PTPRD: variants seen among roughly 807,000 people sequenced by gnomAD.
The protein encoded by PTPRD is receptor-type tyrosine-protein phosphatase delta.
PTPRD carries 34 observed loss-of-function variants against 214.5 expected under a neutral mutation model. The ratio of observed to expected loss-of-function variants is 0.16; its 90% CI spans 0.12 to 0.21. PTPRD has a LOEUF of 0.21. Among genes scored for constraint, PTPRD ranks in the 10% least tolerant of loss-of-function variants. The pLI is 1.00. For missense variants in PTPRD, 2,545 were observed against 2,398.7 expected, an observed-to-expected ratio of 1.06 and a Z score of -1.27; for synonymous variants, 1,128 against 845.7, an observed-to-expected ratio of 1.33 and a Z score of -5.79.
At chr9:8,980,296 A>C (rs2099303871) in intron 11 of PTPRD, among the ~76,000 whole-genome samples, 1 of 152,052 alleles carries the variant, frequency 6.6e-6, no homozygotes, top group East Asian at 1.9e-4. Flanking sequence ...GTAGATGAAC[A>C]AGTTTAGAGA....
At chr9:9,038,618 T>G (rs1463955388) in intron 10 of PTPRD, among the ~76,000 whole-genome samples, 1 of 149,688 alleles carries the variant, frequency 6.7e-6, no homozygotes, top group Non-Finnish European at 1.5e-5. Context: ...ATCAGTGGTG[T>G]GATCTTGGCT....
At chr9:10,307,124 TTAAC>T (rs1458664311) in intron 3 of PTPRD, among the ~76,000 whole-genome samples, 44 of 152,170 alleles carry the variant, frequency 2.9e-4, no homozygotes, top group Non-Finnish European at 4.4e-5. Flanking sequence ...TGCATTGTTG[TTAAC>T]TATAGTTACC....
At chr9:8,935,360 G>C (rs112160156) in intron 11 of PTPRD, among the ~76,000 whole-genome samples, 3,468 of 152,158 alleles carry the variant, frequency 0.023, 59 homozygotes, top group Non-Finnish European at 0.037. Flanking sequence ...AGCATCTCAA[G>C]AACAAACAAA....
At chr9:8,713,755 A>C in intron 12 of PTPRD, 1 of 1,526,036 alleles carries the variant, frequency 6.6e-7, no homozygotes, top group Non-Finnish European at 8.9e-7. Flanking sequence ...CCACGACTGC[A>C]AGATCAAGTT....
intron 2 of PTPRD, among the ~76,000 whole-genome samples, chr9:10,368,927 C>G (rs955902439): frequency 6.6e-6 from 1 of 152,054 alleles, no homozygotes; most frequent in African/African-American, 2.4e-5. Flanking sequence ...TATGATTAAG[C>G]AGCAAAACAC....
intron 5 of PTPRD, among the ~76,000 whole-genome samples, chr9:9,860,871 T>G (rs987533012): frequency 6.6e-6 from 1 of 152,186 alleles, no homozygotes; most frequent in Non-Finnish European, 1.5e-5. Context: ...TTTCTTTAAC[T>G]AGCATCACAA....
chr9:9,555,431 G>A (rs2081287898), intron 8 of PTPRD, among the ~76,000 whole-genome samples: 1 of 152,048 alleles, frequency 6.6e-6, no homozygotes, highest in African/African-American at 2.4e-5. Context: ...TAACCCTGTA[G>A]AGTGATTCCC....
chr9:8,784,537 T>C (rs2095860723), intron 11 of PTPRD, among the ~76,000 whole-genome samples: 2 of 152,212 alleles, frequency 1.3e-5, no homozygotes, highest in Non-Finnish European at 2.9e-5. Context: ...AGCAAAATCC[T>C]TTTAAACAGA....
intron 11 of PTPRD, among the ~76,000 whole-genome samples, chr9:8,906,493 G>A (rs2098708656): frequency 1.3e-5 from 2 of 152,160 alleles, no homozygotes; most frequent in East Asian, 1.9e-4. Context: ...GATCAAAGAA[G>A]TAAATGAGAT....
At chr9:10,294,407 C>T (rs1190596651) in intron 3 of PTPRD, among the ~76,000 whole-genome samples, 2 of 151,824 alleles carry the variant, frequency 1.3e-5, no homozygotes, top group Non-Finnish European at 2.9e-5. Flanking sequence ...AGCATAAAAA[C>T]CATTAAAAAC....
intron 5 of PTPRD, among the ~76,000 whole-genome samples, chr9:9,887,452 A>T (rs1006034338): frequency 1.2e-4 from 19 of 152,294 alleles, no homozygotes; most frequent in African/African-American, 4.3e-4. Context: ...CATATAAAAA[A>T]ACATGATGCA....
intron 7 of PTPRD, among the ~76,000 whole-genome samples, chr9:9,606,713 T>C (rs957389698): frequency 2.0e-5 from 3 of 151,758 alleles, no homozygotes; most frequent in African/African-American, 4.8e-5. Context: ...AATAGAATAC[T>C]CTAAAAACAA....
intron 12 of PTPRD, among the ~76,000 whole-genome samples, chr9:8,726,733 G>C (rs1049772461): frequency 6.3e-5 from 9 of 141,984 alleles, no homozygotes; most frequent in Non-Finnish European, 9.1e-5. Flanking sequence ...CCCAGGAGAT[G>C]GAGTTTGCAG....
chr9:10,324,469 C>G (rs778960528), intron 3 of PTPRD, among the ~76,000 whole-genome samples: 1 of 151,904 alleles, frequency 6.6e-6, no homozygotes, highest in South Asian at 2.1e-4. Flanking sequence ...ATATGGCCAA[C>G]AAGTAGATGG....
intron 2 of PTPRD, among the ~76,000 whole-genome samples, chr9:10,593,575 T>C (rs547328051): frequency 6.6e-6 from 1 of 152,158 alleles, no homozygotes; most frequent in Admixed American, 6.6e-5. Context: ...GCTTCAGATC[T>C]GTGTTCTTGT....
chr9:8,664,807 C>T (rs907948851), intron 12 of PTPRD, among the ~76,000 whole-genome samples: 1 of 152,132 alleles, frequency 6.6e-6, no homozygotes, highest in Non-Finnish European at 1.5e-5. Context: ...AGTTTTTCAC[C>T]AAGTTTTAAA....
chr9:9,628,055 G>C (rs2095477202), intron 7 of PTPRD, among the ~76,000 whole-genome samples: 2 of 152,080 alleles, frequency 1.3e-5, no homozygotes, highest in Non-Finnish European at 2.9e-5. Context: ...TTTAACATGG[G>C]ATTTCCTTTG....
intron 8 of PTPRD, among the ~76,000 whole-genome samples, chr9:9,470,437 G>T (rs957198761): frequency 1.3e-5 from 2 of 152,056 alleles, no homozygotes; most frequent in African/African-American, 4.8e-5. Flanking sequence ...TTGTTATTTA[G>T]CAGAAACTTT....
intron 5 of PTPRD, among the ~76,000 whole-genome samples, chr9:9,788,110 C>T (rs1209229318): frequency 1.3e-5 from 2 of 151,520 alleles, no homozygotes; most frequent in Admixed American, 1.3e-4. Flanking sequence ...AATCAGTAGA[C>T]ACTTGGGAAA....
Sources: gnomAD v4.1 joint callset for allele counts (sites outside exome capture counted in the v4.1 genomes callset) on GRCh38, gnomAD v4.1.1 for gene constraint, MANE v1.5 for transcripts, NCBI Gene and HGNC (gene_info 2026-07-23, HGNC 2026-07-21) for gene names.